CP: variants seen among roughly 807,000 people sequenced by gnomAD.
CP encodes the protein ceruloplasmin.
Under a neutral mutation model 122.4 loss-of-function variants are expected in CP, and 64 were observed. That is an observed-to-expected ratio of 0.52 (90% CI 0.43 to 0.64). The LOEUF (loss-of-function observed/expected upper bound fraction) is 0.64. Ranked by LOEUF, CP falls within the 30% of genes least tolerant of loss-of-function variation. The pLI, the probability that CP is intolerant of heterozygous loss-of-function variation, is 0.00. For missense variants in CP, 1,167 were observed against 1,284.4 expected, an observed-to-expected ratio of 0.91 and a Z score of 1.40; for synonymous variants, 440 against 436.4, an observed-to-expected ratio of 1.01 and a Z score of -0.10.
At chr3:149,219,170 C>T (rs1728654483) in intron 1 of CP, among the ~76,000 whole-genome samples, 1 of 152,056 alleles carries the variant, frequency 6.6e-6, no homozygotes, top group Non-Finnish European at 1.5e-5. Context: ...GAAAGCAGTC[C>T]CACCTAGAGT....
chr3:149,200,970 A>G (rs1727267177), intron 7 of CP, among the ~76,000 whole-genome samples: 1 of 152,074 alleles, frequency 6.6e-6, no homozygotes, highest in Non-Finnish European at 1.5e-5. Context: ...AACCAGGACA[A>G]TCTGAATCCA....
At position 149,185,774 on chromosome 3, in the gene CP, T is replaced by G. The variant is rs376753361; in HGVS notation, c.2078-328A>C. On this transcript the variant is annotated intron_variant, in intron 11 of 18. Transcript: ENST00000264613. Reference sequence around the variant, plus strand: ...TTTCCCCTCTCAGTCACCATCCCCTTCCTCTGCCTTATTTTTCTTTGTGTA... The same window carrying G: ...TTTCCCCTCTCAGTCACCATCCCCTGCCTCTGCCTTATTTTTCTTTGTGTA... Among the ~76,000 whole-genome samples, 93 of 152,300 alleles carry G rather than the reference T, an allele frequency of 6.1e-4. 1 individual carries two copies. Among genetic ancestry groups the G allele is most frequent in the African/African-American group, 2.2e-3 (93 of 41,572 alleles).
Position 149,206,205 on chromosome 3 carries a change from C to G in CP, c.1171G>C (p.Asp391His), listed in dbSNP as rs940869367. The change falls in exon 6 of 19, where the codon GAC (aspartate) becomes CAC (histidine). Residue 391 changes from aspartate to histidine, a missense_variant. This residue lies in a region of CP where 642 missense variants were observed against 627.3 expected (regional missense o/e 1.02). Transcript: ENST00000264613. Reference protein sequence around the residue: ...IIWNYAPSGIDIFTKENLTAP... With the variant: ...IIWNYAPSGIHIFTKENLTAP... ...GTTAAGTTTTCTTTAGTGAAGATGT[C>G]TATACCAGAGGGAGCATAGTTCCAG... 5 of 1,613,954 alleles carry G rather than the reference C, an allele frequency of 3.1e-6. No individual in the cohort carries two copies. Among genetic ancestry groups the G allele is most frequent in the Non-Finnish European group, 4.2e-6 (5 of 1,179,882 alleles).
intron 12 of CP, among the ~76,000 whole-genome samples, chr3:149,183,919 A>G (rs1218619951): frequency 6.6e-6 from 1 of 151,220 alleles, no homozygotes; most frequent in East Asian, 1.9e-4. Context: ...ATTTGAACAG[A>G]TCATCTCTAA....
intron 6 of CP, among the ~76,000 whole-genome samples, chr3:149,203,232 T>C (rs1238771943): frequency 6.6e-6 from 1 of 152,052 alleles, no homozygotes; most frequent in Non-Finnish European, 1.5e-5. Context: ...TATTGTGTAT[T>C]AGCACTGGCC....
rs1445469644 is a variant in CP at position 149,176,299 on chromosome 3, G to A, written c.3132C>T (p.Asp1044=). 13 of 1,613,140 alleles carry A rather than the reference G, an allele frequency of 8.1e-6. No individual in the cohort carries two copies. The highest frequency in any genetic ancestry group is 2.2e-5 in the East Asian group (1 of 44,872). Residue 1044 remains aspartate (D), a synonymous_variant, in exon 18 of 19, where the codon GAC becomes GAT. Transcript: ENST00000264613. ...TGGTTTCCATTCCAGCATGAATGTG[G>A]TCGGTCACATGGCAGTGGAGTAACC... ...GIWLLHCHVT[D]HIHAGMETTY...
intron 9 of CP, among the ~76,000 whole-genome samples, chr3:149,194,518 T>C (rs1726765593): frequency 6.6e-6 from 1 of 152,040 alleles, no homozygotes. Flanking sequence ...GGATTACAGG[T>C]ATGAACCACC....
At chr3:149,206,064 AT>A (rs1412017042) in intron 6 of CP, 103 bp downstream of exon 6, 2 of 1,066,164 alleles carry the variant, frequency 1.9e-6, no homozygotes, top group Non-Finnish European at 2.8e-6. Context: ...TAGTTACTCA[AT>A]TTCAGATACC....
chr3:149,219,916 T>A (rs895194405), intron 1 of CP, among the ~76,000 whole-genome samples: 8 of 152,098 alleles, frequency 5.3e-5, no homozygotes, highest in African/African-American at 1.9e-4. Flanking sequence ...CTCCTTTGCC[T>A]TCCACCATGA....
chr3:149,199,720 T>G lies in CP; in HGVS notation c.1493A>C (p.Gln498Pro). The G allele has an allele frequency of 6.2e-7, 1 of 1,614,020 alleles. No homozygotes were observed. The highest frequency in any genetic ancestry group is 8.5e-7 in the Non-Finnish European group (1 of 1,180,016). The stretch of plus-strand genomic sequence containing the variant: ...CAGTGCTGTATACTCACTTCTGCTC[T>G]GGGGGTTGTAATTTGGGGAATAGTA... Reference protein sequence around the residue: ...GTYYSPNYNPQSRSVPPSASH... With the variant: ...GTYYSPNYNPPSRSVPPSASH... The change falls in exon 8 of 19, where the codon CAG becomes CCG. Residue 498 changes from glutamine (Q) to proline (P), a missense_variant. Physicochemically the swap from Gln to Pro is moderately conservative, Grantham distance 76. Around this residue, in one of 2 missense-constraint regions of CP, gnomAD observed 642 missense variants for 627.3 expected, o/e 1.02. Transcript: ENST00000264613.
At chr3:149,174,247 G>A (rs1200024256) in intron 18 of CP, among the ~76,000 whole-genome samples, 1 of 152,180 alleles carries the variant, frequency 6.6e-6, no homozygotes, top group Non-Finnish European at 1.5e-5. Flanking sequence ...CATGATCCGG[G>A]ATTTTCTTTT....
intron 1 of CP, 114 bp from the exon 2 acceptor site, chr3:149,212,812 T>C: frequency 1.5e-6 from 2 of 1,307,270 alleles, no homozygotes; most frequent in Non-Finnish European, 2.1e-6. Flanking sequence ...TCACATTGAA[T>C]GTTTGCCTGT....
intron 13 of CP, among the ~76,000 whole-genome samples, chr3:149,183,245 GA>G (rs1365768981): frequency 1.3e-5 from 2 of 151,938 alleles, no homozygotes; most frequent in Non-Finnish European, 2.9e-5. Context: ...CAGTATACGG[GA>G]CAATACATAG....
chr3:149,170,074 G>A (rs1172014454), downstream of CP, among the ~76,000 whole-genome samples: 2 of 152,184 alleles, frequency 1.3e-5, no homozygotes, highest in African/African-American at 4.8e-5. Context: ...TTGGGATGGG[G>A]CTTGGATTAA....
At chr3:149,178,065 T>C in intron 16 of CP, 86 bp from the exon 17 acceptor site, 1 of 1,275,060 alleles carries the variant, frequency 7.8e-7, no homozygotes, top group African/African-American at 1.5e-5. Context: ...ATTAGGTTAA[T>C]GTAAAGAATC....
downstream of CP, among the ~76,000 whole-genome samples, chr3:149,171,525 A>G (rs1254821381): frequency 3.9e-5 from 6 of 152,214 alleles, no homozygotes; most frequent in African/African-American, 1.4e-4. Flanking sequence ...ATTGCAAAAT[A>G]ATATAGTAAT....
chr3:149,163,961 T>TA (rs1724151031), intron 5 of CP: 1 of 1,241,670 alleles, frequency 8.1e-7, no homozygotes, highest in African/African-American at 1.5e-5. Context: ...TAAGTAAAAA[T>TA]ACCTCCTTTT....
At chr3:149,212,411 A>G (rs182656203) in intron 2 of CP, 40 bp downstream of exon 2, 289 of 1,612,452 alleles carry the variant, frequency 1.8e-4, no homozygotes, top group Admixed American at 4.8e-4. Flanking sequence ...ACTTCTACTG[A>G]AAAGTAAGAG....
chr3:149,166,293 T>C (rs1724406707), intron 4 of CP, among the ~76,000 whole-genome samples: 1 of 152,218 alleles, frequency 6.6e-6, no homozygotes, highest in Non-Finnish European at 1.5e-5. Flanking sequence ...TTTAGTCTTA[T>C]TAAGTGTTAA....
Sources: allele counts gnomAD v4.1 joint callset (sites outside exome capture counted in the v4.1 genomes callset), GRCh38; gene constraint gnomAD v4.1.1; regional missense constraint gnomAD v4.1.1; transcripts MANE v1.5; gene names NCBI Gene and HGNC (gene_info 2026-07-23, HGNC 2026-07-21).